The following SHC3 variants were observed in gnomAD, a reference collection of about 807,000 sequenced individuals.
The protein encoded by SHC3 is SHC adaptor protein 3.
Under a neutral mutation model 60.4 loss-of-function variants are expected in SHC3, and 15 were observed. The ratio of observed to expected loss-of-function variants is 0.25; its 90% CI spans 0.17 to 0.38. The LOEUF is 0.38. SHC3 is among the 10% of genes least tolerant of loss of function. The pLI, the probability that SHC3 is intolerant of heterozygous loss-of-function variation, is 1.00. For synonymous variants in SHC3, 294 were observed against 325.9 expected, an observed-to-expected ratio of 0.90 and a Z score of 1.05; for missense variants, 677 against 786.1, an observed-to-expected ratio of 0.86 and a Z score of 1.66.
intron 2 of SHC3, among the ~76,000 whole-genome samples, chr9:89,112,022 TGAA>T (rs1230477254): frequency 6.6e-6 from 1 of 152,214 alleles, no homozygotes; most frequent in Non-Finnish European, 1.5e-5. Context: ...ATACTGCCCC[TGAA>T]GAAGTTTTGA....
chr9:89,138,751 G>A lies in SHC3; in HGVS notation c.475-26125C>T, dbSNP rs192444361. Reference sequence around the variant, plus strand: ...TCTAAGAGAACCCTTAATCCTAAGGGTTGCGGAGGGATAAAGATCCATCTT... The same window carrying A: ...TCTAAGAGAACCCTTAATCCTAAGGATTGCGGAGGGATAAAGATCCATCTT... On this transcript the variant is annotated intron_variant, in intron 1 of 11. Transcript: ENST00000375835. 1.7e-3 allele frequency among the ~76,000 whole-genome samples: 252 copies of A among 152,210 alleles called. 2 individuals are homozygous for A. Among genetic ancestry groups the A allele is most frequent in the Middle Eastern group, 0.014 (4 of 294 alleles).
rs555299421 is a variant in SHC3, at chr9:89,110,749, C to T, written c.545+1807G>A. ...ATTCTGGCACAATTAGAATTCAACA[C>T]CAAATTTCTTAAGTACAAGAATAAT... On this transcript the variant is annotated intron_variant, in intron 2 of 11. Transcript: ENST00000375835. 6.8e-4 allele frequency among the ~76,000 whole-genome samples: 104 copies of T among 152,280 alleles called. 1 individual carries two copies. The highest frequency in any genetic ancestry group is 3.4e-3 in the Middle Eastern group (1 of 294).
Position 89,178,362 on chromosome 9 carries a change from C to A in SHC3, c.99G>T (p.Lys33Asn). The part of the protein sequence containing the change: ...HSLSVSGGGG[K>N]VSAARATPAA... Reference sequence around the variant, plus strand: ...CCGGGGTCGCGCGCGCCGCCGAAACCTTGCCTCCGCCGCCGCTCACCGACA... The same window carrying A: ...CCGGGGTCGCGCGCGCCGCCGAAACATTGCCTCCGCCGCCGCTCACCGACA... The change falls in exon 1 of 12, where the codon AAG (lysine) becomes AAT (asparagine). Residue 33 changes from lysine to asparagine, a missense_variant. Lys to Asn is a moderately conservative substitution (Grantham distance 94, BLOSUM62 0). Coordinates refer to ENST00000375835, the MANE Select transcript of SHC3 (RefSeq NM_016848.6). The surrounding 1 kb of genome is among the most constrained non-coding windows in gnomAD (Gnocchi z 6.9). 6.3e-7 allele frequency: 1 copy of A among 1,592,882 alleles called. No individual in the cohort carries two copies. The highest frequency in any genetic ancestry group is 8.5e-7 in the Non-Finnish European group (1 of 1,171,570).
At chr9:89,106,589 C>A (rs73498180) in intron 2 of SHC3, among the ~76,000 whole-genome samples, 6 of 152,078 alleles carry the variant, frequency 3.9e-5, no homozygotes, top group Non-Finnish European at 5.9e-5. Flanking sequence ...CCAGTTCCTA[C>A]GCACTTCCCC....
chr9:89,046,604 C>T (rs1043886695), intron 8 of SHC3, among the ~76,000 whole-genome samples: 5 of 152,112 alleles, frequency 3.3e-5, no homozygotes, highest in African/African-American at 1.2e-4. Flanking sequence ...GAGGACACCC[C>T]CAGACTCATA....
chr9:89,158,176 C>T (rs1826653149), intron 1 of SHC3, among the ~76,000 whole-genome samples: 1 of 151,534 alleles, frequency 6.6e-6, no homozygotes, highest in Admixed American at 6.6e-5. Context: ...TTGCTATGTC[C>T]CATATATTTT....
chr9:89,102,993 A>T (rs79140095), intron 2 of SHC3, among the ~76,000 whole-genome samples: 221 of 152,336 alleles, frequency 1.5e-3, no homozygotes, highest in African/African-American at 5.1e-3. Context: ...ATGGTGGGGC[A>T]TGGACTGTGG....
intron 1 of SHC3, among the ~76,000 whole-genome samples, chr9:89,129,309 G>A (rs372203884): frequency 1.6e-4 from 24 of 152,108 alleles, no homozygotes; most frequent in Admixed American, 3.9e-4. Flanking sequence ...ACACGGAGAA[G>A]GGAACCAAGT....
chr9:89,139,621 A>G (rs972821204), intron 1 of SHC3, among the ~76,000 whole-genome samples: 2 of 152,318 alleles, frequency 1.3e-5, no homozygotes, highest in African/African-American at 4.8e-5. Context: ...GATAAGTGCC[A>G]TTCTTTACTT....
chr9:89,008,204 A>G lies in SHC3; in HGVS notation c.*5243T>C, dbSNP rs1397654118. 2.0e-5 allele frequency: 3 copies of G among 152,230 alleles called. No individual in the cohort carries two copies. Among genetic ancestry groups the G allele is most frequent in the African/African-American group, 7.2e-5 (3 of 41,460 alleles). 9.4% of individuals were successfully genotyped at this position (152,230 alleles called of 1,614,324 possible). A position where few individuals can be genotyped will look rare whatever the true frequency, so the allele number is the denominator to read the frequency against. Reference sequence around the variant, plus strand: ...TATGTATAAACCCCATTATAAATAAATTATGGCTGGCAGATGGCATTTAAG... The same window carrying G: ...TATGTATAAACCCCATTATAAATAAGTTATGGCTGGCAGATGGCATTTAAG... On this transcript the variant is annotated 3_prime_UTR_variant, in exon 12 of 12. Transcript: ENST00000375835.
intron 8 of SHC3, 135 bp from the exon 9 acceptor site, chr9:89,045,968 A>G (rs1824767987): frequency 2.8e-6 from 2 of 707,980 alleles, no homozygotes; most frequent in South Asian, 3.7e-5. Flanking sequence ...TTTTCCCTTC[A>G]TGCCTCATGG....
chr9:89,055,372 C>T (rs1433930848), intron 6 of SHC3, among the ~76,000 whole-genome samples: 3 of 152,238 alleles, frequency 2.0e-5, no homozygotes, highest in African/African-American at 4.8e-5. Context: ...TCTAAGCACG[C>T]TCTCAACACC....
chr9:89,146,739 A>G (rs763707904), intron 1 of SHC3, among the ~76,000 whole-genome samples: 6 of 152,218 alleles, frequency 3.9e-5, no homozygotes, highest in Non-Finnish European at 7.3e-5. Context: ...TTAAAACTTA[A>G]GGTCATTTGT....
intron 2 of SHC3, among the ~76,000 whole-genome samples, chr9:89,104,956 G>A (rs757285255): frequency 2.0e-5 from 3 of 152,176 alleles, no homozygotes; most frequent in African/African-American, 4.8e-5. Flanking sequence ...CGCCATGCCC[G>A]GGATGAGCAC....
chr9:89,118,834 CTGAA>C (rs1826052241), intron 1 of SHC3, among the ~76,000 whole-genome samples: 1 of 152,102 alleles, frequency 6.6e-6, no homozygotes, highest in Non-Finnish European at 1.5e-5. Context: ...CACAGACACT[CTGAA>C]GGAATTATTC....
chr9:89,058,782 G>GTGGTGGAGGATGGTGGTGGAGGATGA, intron 6 of SHC3, among the ~76,000 whole-genome samples: 1 of 149,684 alleles, frequency 6.7e-6, no homozygotes, highest in East Asian at 2.0e-4. Flanking sequence ...GATATAGGAT[G>GTGGTGGAGGATGGTGGTGGAGGATGA]TGGTGGAGGA....
chr9:89,161,538 T>C (rs1433760202), intron 1 of SHC3, among the ~76,000 whole-genome samples: 1 of 152,210 alleles, frequency 6.6e-6, no homozygotes, highest in East Asian at 1.9e-4. Flanking sequence ...CCACAATCCA[T>C]GGCCTTACAT....
rs1399818628 is a variant in SHC3, at chr9:89,007,665, G to A, written c.*5782C>T. ...CCTCCTTCCCTGCTGGCCTCAGACA[G>A]CTATGCATGGCTGCATGAAGGAAGA... On this transcript the variant is annotated 3_prime_UTR_variant, in exon 12 of 12. Coordinates refer to ENST00000375835, the MANE Select transcript of SHC3 (RefSeq NM_016848.6). 6.6e-6 allele frequency: 1 copy of A among 152,318 alleles called. No homozygotes were observed. Among genetic ancestry groups the A allele is most frequent in the Non-Finnish European group, 1.5e-5 (1 of 68,086 alleles). 9.4% of individuals were successfully genotyped at this position (152,318 alleles called of 1,614,324 possible).
At chr9:89,030,660 T>G (rs139453356) in intron 11 of SHC3, among the ~76,000 whole-genome samples, 2,103 of 152,228 alleles carry the variant, frequency 0.014, 25 homozygotes, top group Middle Eastern at 0.031. Flanking sequence ...AACATCAAAT[T>G]TTTCTAATTG....
Sources: allele counts gnomAD v4.1 joint callset (sites outside exome capture counted in the v4.1 genomes callset), GRCh38; gene constraint gnomAD v4.1.1; non-coding constraint Gnocchi (gnomAD v3.1); transcripts MANE v1.5; gene names NCBI Gene and HGNC (gene_info 2026-07-23, HGNC 2026-07-21).